COL25A1: variants seen among roughly 807,000 people sequenced by gnomAD.
The protein encoded by COL25A1 is collagen alpha-1(XXV) chain.
COL25A1 carries 103 observed loss-of-function variants against 128.4 expected under a neutral mutation model. The observed-to-expected ratio is 0.80, with a 90% CI of 0.68 to 0.94. COL25A1 has a LOEUF of 0.94. Among genes scored for constraint, COL25A1 ranks in the 40% least tolerant of loss-of-function variants. COL25A1 has a pLI of 0.00. For synonymous variants in COL25A1, 279 were observed against 277.2 expected, an observed-to-expected ratio of 1.01 and a Z score of -0.06; for missense variants, 745 against 840.0, an observed-to-expected ratio of 0.89 and a Z score of 1.40.
chr4:108,918,630 A>G (rs1461957194), intron 12 of COL25A1, among the ~76,000 whole-genome samples: 1 of 152,218 alleles, frequency 6.6e-6, no homozygotes, highest in East Asian at 1.9e-4. Context: ...AATAACAACC[A>G]TTTGTTCCGC....
chr4:109,187,402 T>C (rs1434928821), intron 3 of COL25A1, among the ~76,000 whole-genome samples: 3 of 152,208 alleles, frequency 2.0e-5, no homozygotes, highest in Non-Finnish European at 2.9e-5. Flanking sequence ...CACTGCCTGA[T>C]TGCAAATCCT....
At chr4:108,984,280 C>G (rs1753395977) in intron 6 of COL25A1, among the ~76,000 whole-genome samples, 1 of 152,220 alleles carries the variant, frequency 6.6e-6, no homozygotes, top group Admixed American at 6.5e-5. Flanking sequence ...GAGCTAGACA[C>G]AAAGGTTCTC....
intron 3 of COL25A1, among the ~76,000 whole-genome samples, chr4:109,062,731 A>G (rs1219107580): frequency 6.6e-6 from 1 of 152,226 alleles, no homozygotes; most frequent in Admixed American, 6.5e-5. Flanking sequence ...TGACTTAATC[A>G]GGTTTAATCA....
At chr4:108,978,261 A>G (rs2125993118) in intron 6 of COL25A1, among the ~76,000 whole-genome samples, 1 of 152,356 alleles carries the variant, frequency 6.6e-6, no homozygotes, top group East Asian at 1.9e-4. Context: ...GCACAGCTGC[A>G]GCGGCTGCTT....
Position 108,863,405 on chromosome 4 carries a change from A to T in COL25A1, c.1084-18T>A. 6.2e-7 allele frequency: 1 copy of T among 1,611,882 alleles called. No individual in the cohort carries two copies. The highest frequency in any genetic ancestry group is 8.5e-7 in the Non-Finnish European group (1 of 1,178,764). ...CGTTCACCCTGTCACAAATTGCAAA[A>T]CAGGTAAATGGTCATTCCCCCCACC... On this transcript the variant is annotated intron_variant, in intron 20 of 37. Coordinates refer to ENST00000399132, the MANE Select transcript of COL25A1 (RefSeq NM_198721.4).
At chr4:108,858,332 G>C (rs1026744851) in intron 24 of COL25A1, among the ~76,000 whole-genome samples, 1 of 152,040 alleles carries the variant, frequency 6.6e-6, no homozygotes, top group East Asian at 1.9e-4. Context: ...AGGAGCTGTT[G>C]CTGTATTAGG....
chr4:108,854,241 G>T (rs1736189630), intron 24 of COL25A1, among the ~76,000 whole-genome samples: 1 of 152,132 alleles, frequency 6.6e-6, no homozygotes, highest in Admixed American at 6.6e-5. Context: ...AGATTTAAAT[G>T]TAAAACCTAA....
intron 5 of COL25A1, among the ~76,000 whole-genome samples, chr4:109,040,553 C>A (rs1759783469): frequency 6.6e-6 from 1 of 152,184 alleles, no homozygotes. Context: ...TTGAATATAG[C>A]TAGTTATTGC....
intron 3 of COL25A1, among the ~76,000 whole-genome samples, chr4:109,197,479 T>TTATATATAAATATTATATATTA (rs1161999525): frequency 2.0e-4 from 24 of 117,812 alleles, no homozygotes; most frequent in Non-Finnish European, 3.5e-4. Context: ...ATAATATATA[T>TTATATATAAATATTATATATTA]TATATATTAT....
intron 3 of COL25A1, among the ~76,000 whole-genome samples, chr4:109,186,056 T>A (rs959382096): frequency 6.6e-6 from 1 of 152,220 alleles, no homozygotes; most frequent in Non-Finnish European, 1.5e-5. Flanking sequence ...CTACCAAATA[T>A]ATGAGAAAAG....
chr4:108,899,349 G>A (rs1369236200), intron 14 of COL25A1, among the ~76,000 whole-genome samples, 169 bp from the exon 15 acceptor site: 1 of 152,126 alleles, frequency 6.6e-6, no homozygotes, highest in Non-Finnish European at 1.5e-5. Flanking sequence ...TGAGTTTCCT[G>A]GAGAATTTGA....
intron 3 of COL25A1, among the ~76,000 whole-genome samples, chr4:109,126,563 CTTATT>C (rs1768639546): frequency 1.3e-5 from 2 of 152,286 alleles, no homozygotes; most frequent in South Asian, 2.1e-4. Flanking sequence ...AACAGCTCTT[CTTATT>C]TTAAGGACAA....
chr4:109,106,085 A>T (rs936872772), intron 3 of COL25A1, among the ~76,000 whole-genome samples: 1 of 152,190 alleles, frequency 6.6e-6, no homozygotes, highest in Non-Finnish European at 1.5e-5. Context: ...CATAATCAGG[A>T]TGATAACATA....
intron 11 of COL25A1, among the ~76,000 whole-genome samples, chr4:108,933,152 T>C (rs1459903978): frequency 2.6e-5 from 4 of 152,212 alleles, no homozygotes; most frequent in Admixed American, 6.5e-5. Context: ...TCTTAGATTA[T>C]GAAAACTAAT....
chr4:108,910,291 A>G (rs1020475579), intron 13 of COL25A1, among the ~76,000 whole-genome samples: 5 of 152,184 alleles, frequency 3.3e-5, no homozygotes, highest in Admixed American at 6.5e-5. Context: ...ACGTGGAAAA[A>G]TTCTAAAGGT....
At chr4:109,127,609 T>C (rs188386372) in intron 3 of COL25A1, among the ~76,000 whole-genome samples, 13 of 152,182 alleles carry the variant, frequency 8.5e-5, no homozygotes, top group Admixed American at 4.6e-4. Flanking sequence ...ATTACAAGTG[T>C]GAGCCACCGC....
intron 3 of COL25A1, among the ~76,000 whole-genome samples, chr4:109,274,495 A>G (rs1306118815): frequency 2.0e-5 from 3 of 152,174 alleles, no homozygotes; most frequent in Non-Finnish European, 4.4e-5. Context: ...GCTAATAAAG[A>G]GTCTTCCATC....
At chr4:108,917,181 T>C (rs928406549) in intron 13 of COL25A1, among the ~76,000 whole-genome samples, 4 of 152,152 alleles carry the variant, frequency 2.6e-5, no homozygotes, top group African/African-American at 9.7e-5. Context: ...AGACTCATGC[T>C]CTTAGCAACT....
chr4:108,823,812 G>C, intron 35 of COL25A1: 1 of 826,004 alleles, frequency 1.2e-6, no homozygotes. Context: ...CCTTTGCAGG[G>C]TTCAATGAGC....
Sources: gnomAD v4.1 joint callset for allele counts (sites outside exome capture counted in the v4.1 genomes callset) on GRCh38, gnomAD v4.1.1 for gene constraint, MANE v1.5 for transcripts, NCBI Gene and HGNC (gene_info 2026-07-23, HGNC 2026-07-21) for gene names.